Variants in PRDM10 observed in about 807,000 individuals in gnomAD.
PRDM10 encodes PR/SET domain 10.
Under a neutral mutation model 133.1 loss-of-function variants are expected in PRDM10, and 65 were observed. That is an observed-to-expected ratio of 0.49 (90% CI 0.40 to 0.60). The LOEUF is 0.60. Among genes scored for constraint, PRDM10 ranks in the 20% least tolerant of loss-of-function variants. PRDM10 has a pLI of 0.00. For missense variants in PRDM10, 1,137 were observed against 1,507.1 expected (o/e 0.75, Z 4.07); for synonymous variants, 582 against 580.4 (o/e 1.00, Z -0.04).
intron 15 of PRDM10, among the ~76,000 whole-genome samples, chr11:129,916,728 G>A (rs1950369964): frequency 4.6e-5 from 7 of 152,134 alleles, no homozygotes; most frequent in Admixed American, 4.6e-4. Context: ...TACAAGTAGA[G>A]TACTCCACCA....
intron 1 of PRDM10, among the ~76,000 whole-genome samples, chr11:129,998,146 T>C (rs571459657): frequency 6.6e-6 from 1 of 152,348 alleles, no homozygotes; most frequent in African/African-American, 2.4e-5. Context: ...CATTTCAACA[T>C]TTAATCAATA....
At chr11:129,969,398 A>G (rs1951970146) in intron 1 of PRDM10, among the ~76,000 whole-genome samples, 1 of 152,176 alleles carries the variant, frequency 6.6e-6, no homozygotes, top group South Asian at 2.1e-4. Flanking sequence ...CCTAGCTCCA[A>G]AGCTTGGATT....
At position 129,947,790 on chromosome 11, in the gene PRDM10, A is replaced by G. The variant is rs1951467777; in HGVS notation, c.295-420T>C. ...GCTTGAGAGGCCTGCCCTGTCTCCC[A>G]AGACTTCAAATAGGTAAGCAACAGA... On this transcript the variant is annotated intron_variant, in intron 4 of 20. Transcript: ENST00000360871. This position sits in a 1 kb window ranked among gnomAD's most constrained non-coding sequence, Gnocchi z 4.6. 6.6e-6 allele frequency among the ~76,000 whole-genome samples: 1 copy of G among 152,112 alleles called. No homozygotes were observed. Among genetic ancestry groups the G allele is most frequent in the Non-Finnish European group, 1.5e-5 (1 of 68,032 alleles).
intron 2 of PRDM10, among the ~76,000 whole-genome samples, chr11:129,958,442 G>C (rs1951737534): frequency 6.6e-6 from 1 of 152,108 alleles, no homozygotes; most frequent in Non-Finnish European, 1.5e-5. Context: ...AGGAGTTCAG[G>C]ACCAGCCTGG....
intron 1 of PRDM10, among the ~76,000 whole-genome samples, chr11:130,001,866 A>G (rs2136021280): frequency 6.6e-6 from 1 of 150,952 alleles, no homozygotes; most frequent in Admixed American, 6.6e-5. Context: ...CAGGGCCGCG[A>G]CCCCGGCCTC....
rs1260372700 is a variant in PRDM10 at position 129,947,188 on chromosome 11, G to A, written c.477C>T (p.Asp159=). 4 of 1,614,060 alleles carry A rather than the reference G, an allele frequency of 2.5e-6. No individual in the cohort carries two copies. Among genetic ancestry groups the A allele is most frequent in the Non-Finnish European group, 3.4e-6 (4 of 1,180,036 alleles). ...AGGGCCGGGGCGGGTCTGGCTCCCA[G>A]TCATCCAGATCCGTGTCCTCACCGT... ...EEDGEDTDLD[D]WEPDPPRPFD... The change falls in exon 5 of 21, where the codon GAC becomes GAT. Residue 159 remains aspartate (D), a synonymous_variant. Transcript: ENST00000360871. The surrounding 1 kb of genome is among the most constrained non-coding windows in gnomAD (Gnocchi z 4.6).
intron 7 of PRDM10, among the ~76,000 whole-genome samples, chr11:129,941,728 C>T (rs1951213641): frequency 6.6e-6 from 1 of 152,196 alleles, no homozygotes; most frequent in African/African-American, 2.4e-5. Flanking sequence ...ATAAAATAGG[C>T]ACGGTGTTAG....
At chr11:129,991,070 G>A (rs192680822) in intron 1 of PRDM10, among the ~76,000 whole-genome samples, 1 of 152,178 alleles carries the variant, frequency 6.6e-6, no homozygotes, top group Non-Finnish European at 1.5e-5. Context: ...GAAAAAGAAT[G>A]TGAAGGCAAG....
intron 1 of PRDM10, among the ~76,000 whole-genome samples, chr11:129,991,410 G>A (rs1028240233): frequency 6.6e-6 from 1 of 152,164 alleles, no homozygotes; most frequent in Non-Finnish European, 1.5e-5. Context: ...GCAGCTGGGC[G>A]CAGTGGCTCA....
At chr11:129,943,927 G>T (rs1951302697) in intron 6 of PRDM10, among the ~76,000 whole-genome samples, 1 of 152,060 alleles carries the variant, frequency 6.6e-6, no homozygotes, top group African/African-American at 2.4e-5. Context: ...TGGAGGCAGG[G>T]GGTGCAGTGA....
chr11:130,000,034 G>C (rs1020733064), intron 1 of PRDM10, among the ~76,000 whole-genome samples: 26 of 149,794 alleles, frequency 1.7e-4, no homozygotes, highest in Non-Finnish European at 3.1e-4. Flanking sequence ...TTTTTCACTC[G>C]CTTCTAAATT....
rs1950309112 is a variant in PRDM10 at position 129,914,946 on chromosome 11, G to A, written c.2599C>T (p.Leu867=). ...AQLSNTIHTP[L]TTAVISATPA... ...GTGGCACTGATCACAGCTGTCGTCAGTGGTGTGTGTATGGTGTTGGAGAGC... is the reference window on the plus strand; with the variant it reads ...GTGGCACTGATCACAGCTGTCGTCAATGGTGTGTGTATGGTGTTGGAGAGC... Residue 867 remains leucine, a synonymous_variant, in exon 17 of 21, where the codon CTG becomes TTG. Transcript: ENST00000360871. 38 of 1,614,222 alleles carry A rather than the reference G, an allele frequency of 2.4e-5. No individual in the cohort carries two copies. Among genetic ancestry groups the A allele is most frequent in the Non-Finnish European group, 3.2e-5 (38 of 1,180,036 alleles).
At chr11:130,002,138 C>A (rs1939436017) in intron 1 of PRDM10, among the ~76,000 whole-genome samples, 1 of 149,854 alleles carries the variant, frequency 6.7e-6, no homozygotes, top group South Asian at 2.1e-4. Context: ...CACCCCCAGC[C>A]CGGCGCCCGG....
chr11:129,984,998 G>C (rs1005510078), intron 1 of PRDM10, among the ~76,000 whole-genome samples: 1 of 152,184 alleles, frequency 6.6e-6, no homozygotes, highest in Non-Finnish European at 1.5e-5. Context: ...TTTACCGTCA[G>C]TTAGGCGAGT....
intron 13 of PRDM10, among the ~76,000 whole-genome samples, chr11:129,922,686 T>G (rs1950551993): frequency 6.6e-6 from 1 of 152,234 alleles, no homozygotes; most frequent in Non-Finnish European, 1.5e-5. Flanking sequence ...TTACATTTAT[T>G]TATTTAACTT....
In PRDM10 at chr11:129,931,230, T is replaced by A; in HGVS notation, c.1316A>T (p.Gln439Leu). 6.2e-7 allele frequency: 1 copy of A among 1,613,954 alleles called. No homozygotes were observed. The highest frequency in any genetic ancestry group is 8.5e-7 in the Non-Finnish European group (1 of 1,179,868). ...AGTGGCTGGTTCAGCCTCATCAAATTGCTCCTTTGTGGGAAAATGTAGCAA... is the reference window on the plus strand; with the variant it reads ...AGTGGCTGGTTCAGCCTCATCAAATAGCTCCTTTGTGGGAAAATGTAGCAA... Reference protein sequence around the residue: ...QDLLHFPTKEQFDEAEPATLN... With the variant: ...QDLLHFPTKELFDEAEPATLN... Residue 439 changes from glutamine to leucine, a missense_variant, in exon 11 of 21, where the codon CAA (glutamine) becomes CTA (leucine). Transcript: ENST00000360871.
intron 1 of PRDM10, among the ~76,000 whole-genome samples, chr11:129,971,689 T>C (rs1270596955): frequency 6.6e-6 from 1 of 152,244 alleles, no homozygotes; most frequent in African/African-American, 2.4e-5. Flanking sequence ...CATAGGGTGC[T>C]GATTGGTGTG....
intron 12 of PRDM10, 81 bp downstream of exon 12, chr11:129,924,801 G>T: frequency 8.2e-7 from 1 of 1,218,418 alleles, no homozygotes; most frequent in Non-Finnish European, 1.2e-6. Context: ...GCAGGTGCTA[G>T]GCAGTCTCGG....
chr11:129,926,117 C>G (rs1413303867), intron 11 of PRDM10, among the ~76,000 whole-genome samples: 1 of 152,214 alleles, frequency 6.6e-6, no homozygotes, highest in Non-Finnish European at 1.5e-5. Context: ...CTCGACCAGG[C>G]AATTCTGCTC....
Sources: allele counts gnomAD v4.1 joint callset (sites outside exome capture counted in the v4.1 genomes callset), GRCh38; gene constraint gnomAD v4.1.1; non-coding constraint Gnocchi (gnomAD v3.1); transcripts MANE v1.5; gene names NCBI Gene and HGNC (gene_info 2026-07-23, HGNC 2026-07-21).